CCDC160: variants seen among roughly 807,000 people sequenced by gnomAD.
The protein encoded by CCDC160 is coiled-coil domain-containing protein 160.
For missense variants in CCDC160, 227 were observed against 215.6 expected, an observed-to-expected ratio of 1.05 and a Z score of -0.33; for synonymous variants, 94 against 79.4, an observed-to-expected ratio of 1.18 and a Z score of -0.98.
downstream of CCDC160, chrX:134,245,824 G>T (rs2077041634): frequency 3.3e-6 from 3 of 920,584 alleles, no homozygotes; most frequent in Non-Finnish European, 4.3e-6. Context: ...AGCCAAATCA[G>T]TGTTTATTGT....
intron 1 of CCDC160, among the ~76,000 whole-genome samples, chrX:134,237,835 A>G (rs934149581): frequency 8.9e-6 from 1 of 112,085 alleles, no homozygotes; most frequent in Non-Finnish European, 1.9e-5. Flanking sequence ...TTTCTTCTAG[A>G]AGGAATAACT....
At chrX:134,240,057 G>A (rs769402841) in intron 1 of CCDC160, among the ~76,000 whole-genome samples, 1 of 112,060 alleles carries the variant, frequency 8.9e-6, no homozygotes, top group African/African-American at 3.2e-5. Flanking sequence ...CTGCAAGTCA[G>A]TGAAAAAGGG....
At position 134,245,698 on chromosome X, in the gene CCDC160, G is replaced by A. The variant is rs773633063; in HGVS notation, c.898G>A (p.Glu300Lys). 8.4e-6 allele frequency: 10 copies of A among 1,196,297 alleles called. No individual in the cohort carries two copies. The South Asian group carries it at 9.4e-5, about 11-fold the overall frequency. ...ACAAGCAAGAAATAACAGAGCCTTG[G>A]AGTTGCTTAGAAAATACTATGCTTC... Residue 300 changes from glutamate (E) to lysine (K), a missense_variant, in exon 2 of 2, where the codon GAG becomes AAG. By Grantham distance (56) the Glu-to-Lys change is moderately conservative. Transcript: ENST00000370809.
At chrX:134,239,742 C>T (rs1008537611) in intron 1 of CCDC160, among the ~76,000 whole-genome samples, 5 of 111,220 alleles carry the variant, frequency 4.5e-5, no homozygotes, top group African/African-American at 1.3e-4. Context: ...ATGAACAAAA[C>T]CCATTGTTTA....
chrX:134,243,532 T>C (rs2077033446), intron 1 of CCDC160, among the ~76,000 whole-genome samples: 1 of 112,135 alleles, frequency 8.9e-6, no homozygotes, highest in African/African-American at 3.2e-5. Flanking sequence ...AGTAGTTATC[T>C]CAGGGCCATG....
chrX:134,246,064 CATA>C (rs2077042649), downstream of CCDC160: 1 of 173,894 alleles, frequency 5.8e-6, no homozygotes. Context: ...CTCAAAAACA[CATA>C]ATGATTCACC....
intron 1 of CCDC160, among the ~76,000 whole-genome samples, chrX:134,240,287 G>A (rs1436815245): frequency 6.2e-5 from 7 of 112,258 alleles, no homozygotes. Flanking sequence ...TATTTTGGTG[G>A]AGCAGTTTTT....
At chrX:134,245,663 A>G (rs1485468240) in exon 2 of CCDC160, 6 of 1,206,750 alleles carry the variant, frequency 5.0e-6, no homozygotes, top group Non-Finnish European at 6.7e-6. Context: ...CTGAGAACTG[A>G]GAAGACCCTA....
At chrX:134,244,814 G>T (rs947108162) in exon 2 of CCDC160, 7 of 1,164,440 alleles carry the variant, frequency 6.0e-6, no homozygotes, top group Non-Finnish European at 8.0e-6. Flanking sequence ...GATGCTAGAA[G>T]AAAACACTGG....
At chrX:134,237,752 G>T (rs1026985135) in intron 1 of CCDC160, among the ~76,000 whole-genome samples, 3 of 112,179 alleles carry the variant, frequency 2.7e-5, no homozygotes, top group African/African-American at 9.7e-5. Flanking sequence ...CAAAGATACA[G>T]CTTTGTAGCA....
exon 2 of CCDC160, chrX:134,245,128 A>G: frequency 8.4e-7 from 1 of 1,193,888 alleles, no homozygotes; most frequent in Non-Finnish European, 1.1e-6. Context: ...AACAGAAGAA[A>G]GCTTTAACAG....
intron 1 of CCDC160, 35 bp from the exon 3 acceptor site, chrX:134,244,742 A>G: frequency 1.8e-6 from 2 of 1,099,871 alleles, no homozygotes; most frequent in Admixed American, 7.6e-5. Context: ...AGTGTAAATA[A>G]TGTGCCTGCC....
At chrX:134,244,505 A>T (rs886504430) in intron 1 of CCDC160, among the ~76,000 whole-genome samples, 1 of 112,222 alleles carries the variant, frequency 8.9e-6, no homozygotes, top group Non-Finnish European at 1.9e-5. Flanking sequence ...TTCTCTGTGT[A>T]CAGTAAGTAG....
Position 134,245,748 on chromosome X carries a change from C to G in CCDC160, c.948C>G (p.Ile316Met). The G allele has an allele frequency of 1.3e-5, 15 of 1,145,760 alleles. No homozygotes were observed. Among genetic ancestry groups the G allele is most frequent in the Non-Finnish European group, 1.7e-5 (15 of 866,173 alleles). 94.4% of individuals were successfully genotyped at this position (1,145,760 alleles called of 1,213,427 possible). A position where few individuals can be genotyped will look rare whatever the true frequency, so the allele number is the denominator to read the frequency against. Residue 316 changes from isoleucine to methionine, a missense_variant, in exon 2 of 2, where the codon ATC becomes ATG. By Grantham distance (10) the Ile-to-Met change is conservative (BLOSUM62 1). Transcript: ENST00000370809. ...CTTCAATGGTAACATCATCAAGTAT[C>G]CTTGACCACTTTACTGGGGATTTTT... is the stretch of plus-strand genomic sequence containing the variant.
chrX:134,245,839 T>G, downstream of CCDC160: 1 of 806,062 alleles, frequency 1.2e-6, no homozygotes, highest in Non-Finnish European at 1.7e-6. Flanking sequence ...TATTGTATTT[T>G]CTTTGCGTAT....
downstream of CCDC160, chrX:134,245,799 G>C: frequency 9.4e-7 from 1 of 1,063,839 alleles, no homozygotes; most frequent in Non-Finnish European, 1.2e-6. Flanking sequence ...AATCCTTCCA[G>C]TAGGCAAGTC....
chrX:134,241,642 T>C (rs1299338210), intron 1 of CCDC160, among the ~76,000 whole-genome samples: 1 of 112,466 alleles, frequency 8.9e-6, no homozygotes, highest in Admixed American at 9.4e-5. Context: ...ATTGTTTTCC[T>C]GTCTGTGTTC....
chrX:134,244,891 T>C (rs772201502), exon 2 of CCDC160: 4 of 1,202,103 alleles, frequency 3.3e-6, no homozygotes, highest in Non-Finnish European at 4.5e-6. Context: ...TGAGCCTGAA[T>C]CTTCTTCTGA....
chrX:134,238,865 A>G (rs1353548626), intron 1 of CCDC160, 25 bp downstream of exon 2: 2 of 111,612 alleles, frequency 1.8e-5, no homozygotes, highest in Non-Finnish European at 3.8e-5. Flanking sequence ...GTTAGCTGTT[A>G]TCTTTTTGGG....
Sources: gnomAD v4.1 joint callset for allele counts (sites outside exome capture counted in the v4.1 genomes callset) on GRCh38, gnomAD v4.1.1 for gene constraint, MANE v1.5 for transcripts, NCBI Gene and HGNC (gene_info 2026-07-23, HGNC 2026-07-21) for gene names.